The following ZBTB20 variants were observed in gnomAD, a reference collection of about 807,000 sequenced individuals.
ZBTB20 encodes zinc finger and BTB domain-containing protein 20.
ZBTB20 carries 9 observed loss-of-function variants against 56.9 expected under a neutral mutation model. The ratio of observed to expected loss-of-function variants is 0.16; its 90% confidence interval spans 0.10 to 0.28. ZBTB20 has a LOEUF of 0.28. ZBTB20 is among the 10% of genes least tolerant of loss of function. The pLI is 1.00. For synonymous variants in ZBTB20, 417 were observed against 420.7 expected, an observed-to-expected ratio of 0.99 and a Z score of 0.11; for missense variants, 655 against 1,003.0, an observed-to-expected ratio of 0.65 and a Z score of 4.69.
intron 3 of ZBTB20, among the ~76,000 whole-genome samples, chr3:114,910,513 G>T (rs971400893): frequency 6.6e-6 from 1 of 151,796 alleles, no homozygotes; most frequent in African/African-American, 2.4e-5. Context: ...TATTTACAAT[G>T]GTGAGGATTT....
At chr3:114,598,048 A>G (rs1212704801) in intron 6 of ZBTB20, among the ~76,000 whole-genome samples, 7 of 152,162 alleles carry the variant, frequency 4.6e-5, no homozygotes, top group African/African-American at 1.4e-4. Flanking sequence ...AAAACTCTCA[A>G]GAAGGAAGCC....
chr3:114,746,326 T>C (rs2067038176), intron 5 of ZBTB20, among the ~76,000 whole-genome samples: 1 of 152,198 alleles, frequency 6.6e-6, no homozygotes, highest in Admixed American at 6.5e-5. Flanking sequence ...TTAATCTTTT[T>C]TCCCCCATTC....
rs1280576895 is a variant in ZBTB20, at chr3:114,320,775, T to G, written c.*18230A>C. ...CCATGTGGGGACAATAGAAAAAAAG[T>G]ACTCAAATAGACATAGCAAATGGAC... is the stretch of plus-strand genomic sequence containing the variant. On this transcript the variant is annotated 3_prime_UTR_variant, in exon 12 of 12. Transcript: ENST00000675478. The G allele has an allele frequency of 6.6e-6, 1 of 152,134 alleles. No individual in the cohort carries two copies. Among genetic ancestry groups the G allele is most frequent in the Non-Finnish European group, 1.5e-5 (1 of 68,032 alleles). 9.4% of individuals were successfully genotyped at this position (152,134 alleles called of 1,614,324 possible).
intron 3 of ZBTB20, among the ~76,000 whole-genome samples, chr3:114,934,813 C>G (rs917616364): frequency 6.6e-6 from 1 of 152,102 alleles, no homozygotes; most frequent in Non-Finnish European, 1.5e-5. Context: ...AAATAGGCTT[C>G]CATACTGGCT....
intron 5 of ZBTB20, among the ~76,000 whole-genome samples, chr3:114,758,039 C>T (rs769337508): frequency 4.6e-5 from 7 of 152,042 alleles, no homozygotes; most frequent in Non-Finnish European, 8.8e-5. Flanking sequence ...AAGCCAAAAG[C>T]ACTATTTTTC....
At chr3:114,638,530 C>T (rs879462663) in intron 6 of ZBTB20, among the ~76,000 whole-genome samples, 6 of 152,038 alleles carry the variant, frequency 3.9e-5, no homozygotes, top group Non-Finnish European at 5.9e-5. Flanking sequence ...AATTTGAATT[C>T]ACCAAACTGT....
At chr3:114,918,281 A>G (rs2075826151) in intron 3 of ZBTB20, among the ~76,000 whole-genome samples, 1 of 151,968 alleles carries the variant, frequency 6.6e-6, no homozygotes, top group African/African-American at 2.4e-5. Context: ...TAGCCTAGGG[A>G]AACTCCCCAA....
intron 10 of ZBTB20, among the ~76,000 whole-genome samples, chr3:114,362,305 C>T (rs1238234699): frequency 6.6e-6 from 1 of 152,084 alleles, no homozygotes; most frequent in Non-Finnish European, 1.5e-5. Context: ...AGTATCTTGT[C>T]TTGTTATAAC....
chr3:114,329,304 A>G lies in ZBTB20; in HGVS notation c.*9701T>C, dbSNP rs1164146549. The G allele has an allele frequency of 6.6e-6, 1 of 152,182 alleles. No individual in the cohort carries two copies. Among genetic ancestry groups the G allele is most frequent in the African/African-American group, 2.4e-5 (1 of 41,440 alleles). 9.4% of individuals were successfully genotyped at this position (152,182 alleles called of 1,614,324 possible). ...AGGGGGTCTTTTATACTGAGGTTTT[A>G]AAAACCTGACTTCATTTTGTCCTGA... On this transcript the variant is annotated 3_prime_UTR_variant, in exon 12 of 12. Coordinates refer to ENST00000675478, the MANE Select transcript of ZBTB20 (RefSeq NM_001348800.3).
chr3:115,093,937 C>T (rs78382166), intron 1 of ZBTB20, among the ~76,000 whole-genome samples: 2,331 of 152,136 alleles, frequency 0.015, 33 homozygotes, highest in South Asian at 0.051. Flanking sequence ...TGCTTTTTAA[C>T]GGGAGTTAGG....
rs76162345 is a variant in ZBTB20 at position 114,674,323 on chromosome 3, C to T, written c.-295+19205G>A. 4.1e-4 allele frequency among the ~76,000 whole-genome samples: 62 copies of T among 152,264 alleles called. 1 individual carries two copies. In the East Asian group the frequency reaches 0.011, roughly 28 times the overall value. The stretch of plus-strand genomic sequence containing the variant: ...TTCTAACAATCGGGCAAGAAAGGTT[C>T]CTTTGTGAAGAACAGGCTTTGGGGT... On this transcript the variant is annotated intron_variant, in intron 6 of 11. Coordinates refer to ENST00000675478, the MANE Select transcript of ZBTB20 (RefSeq NM_001348800.3).
At chr3:114,812,616 G>T (rs571603313) in intron 4 of ZBTB20, among the ~76,000 whole-genome samples, 1 of 152,328 alleles carries the variant, frequency 6.6e-6, no homozygotes, top group East Asian at 1.9e-4. Context: ...ACCAGACTTA[G>T]GAGCCCAGCT....
At chr3:114,704,548 A>G (rs9857130) in intron 5 of ZBTB20, among the ~76,000 whole-genome samples, 77 of 152,308 alleles carry the variant, frequency 5.1e-4, no homozygotes, top group Non-Finnish European at 9.0e-4. Flanking sequence ...ACATAGTTAC[A>G]CAGGAAAAAG....
At chr3:114,899,445 C>T (rs1222045849) in intron 4 of ZBTB20, among the ~76,000 whole-genome samples, 1 of 150,706 alleles carries the variant, frequency 6.6e-6, no homozygotes, top group African/African-American at 2.4e-5. Flanking sequence ...ATTATCAACC[C>T]AGTTATCTGA....
intron 6 of ZBTB20, among the ~76,000 whole-genome samples, chr3:114,586,943 G>T (rs1277453509): frequency 1.4e-5 from 2 of 147,002 alleles, no homozygotes; most frequent in Non-Finnish European, 3.0e-5. Flanking sequence ...TTACATTTTT[G>T]CCCATTGTTG....
intron 2 of ZBTB20, among the ~76,000 whole-genome samples, chr3:114,998,529 G>T (rs1409239073): frequency 1.3e-5 from 2 of 151,746 alleles, no homozygotes; most frequent in African/African-American, 4.8e-5. Flanking sequence ...ACTGAAGAAA[G>T]AAGAGGCATT....
intron 4 of ZBTB20, among the ~76,000 whole-genome samples, chr3:114,853,600 G>A (rs1348610394): frequency 2.6e-5 from 4 of 152,152 alleles, no homozygotes; most frequent in Non-Finnish European, 5.9e-5. Context: ...CCCTTGTAAG[G>A]TGTCCTGTTG....
At chr3:114,496,697 G>C (rs1429503614) in intron 7 of ZBTB20, among the ~76,000 whole-genome samples, 1 of 152,096 alleles carries the variant, frequency 6.6e-6, no homozygotes, top group African/African-American at 2.4e-5. Context: ...GAGAAGGAAT[G>C]AATACACTGA....
intron 6 of ZBTB20, among the ~76,000 whole-genome samples, chr3:114,550,998 A>G (rs2050508582): frequency 6.6e-6 from 1 of 152,150 alleles, no homozygotes; most frequent in South Asian, 2.1e-4. Flanking sequence ...GGATCGGCCC[A>G]GCTCAGCCTC....
Sources: gnomAD v4.1 joint callset for allele counts (sites outside exome capture counted in the v4.1 genomes callset) on GRCh38, gnomAD v4.1.1 for gene constraint, MANE v1.5 for transcripts, NCBI Gene and HGNC (gene_info 2026-07-23, HGNC 2026-07-21) for gene names.